The following CTNNA3 variants were observed in gnomAD, a reference collection of about 807,000 sequenced individuals.
CTNNA3 encodes catenin alpha-3.
In CTNNA3, 76 loss-of-function variants were observed where a neutral mutation model predicts 95.7. The ratio of observed to expected loss-of-function variants is 0.79; its 90% CI spans 0.66 to 0.96. The LOEUF is 0.96. Ranked by LOEUF, CTNNA3 falls within the 40% of genes least tolerant of loss-of-function variation. The probability of loss-of-function intolerance (pLI) is 0.00; values close to 1 mark genes in which losing one functional copy is unlikely to be tolerated. For missense variants in CTNNA3, 1,191 were observed against 1,089.8 expected (o/e 1.09, Z -1.31); for synonymous variants, 431 against 374.4 (o/e 1.15, Z -1.74).
intron 13 of CTNNA3, among the ~76,000 whole-genome samples, chr10:66,198,752 C>T (rs1156993984): frequency 6.6e-6 from 1 of 152,090 alleles, no homozygotes; most frequent in Non-Finnish European, 1.5e-5. Context: ...AAATGTATAG[C>T]ATATATAATT....
At chr10:67,385,629 G>A (rs1462241656) in intron 5 of CTNNA3, among the ~76,000 whole-genome samples, 1 of 152,064 alleles carries the variant, frequency 6.6e-6, no homozygotes, top group East Asian at 1.9e-4. Flanking sequence ...TCATATATAG[G>A]AGAATTACCC....
intron 1 of CTNNA3, among the ~76,000 whole-genome samples, chr10:67,678,819 A>G (rs1299126952): frequency 6.6e-6 from 1 of 152,212 alleles, no homozygotes; most frequent in Non-Finnish European, 1.5e-5. Flanking sequence ...TGAACACATC[A>G]CTGTAGTATC....
intron 7 of CTNNA3, among the ~76,000 whole-genome samples, chr10:66,895,876 G>A (rs1362592337): frequency 4.4e-5 from 6 of 134,938 alleles, no homozygotes; most frequent in South Asian, 2.3e-4. Context: ...TCAGAAGTTC[G>A]AGACCAGCCT....
At chr10:66,934,696 T>C (rs1273583513) in intron 7 of CTNNA3, among the ~76,000 whole-genome samples, 1 of 152,120 alleles carries the variant, frequency 6.6e-6, no homozygotes, top group Non-Finnish European at 1.5e-5. Flanking sequence ...CAACTATATT[T>C]CACCAATCAG....
At chr10:66,446,829 A>C (rs2131810398) in intron 11 of CTNNA3, among the ~76,000 whole-genome samples, 1 of 152,202 alleles carries the variant, frequency 6.6e-6, no homozygotes, top group Non-Finnish European at 1.5e-5. Context: ...GGCCAGGGCA[A>C]TCAGGCAGCA....
At chr10:67,361,801 G>T (rs1386247612) in intron 5 of CTNNA3, among the ~76,000 whole-genome samples, 4 of 151,854 alleles carry the variant, frequency 2.6e-5, no homozygotes, top group Non-Finnish European at 5.9e-5. Context: ...ATTGAAAAGT[G>T]AAAATCCACA....
chr10:67,357,534 A>G (rs1463044818), intron 5 of CTNNA3, among the ~76,000 whole-genome samples: 1 of 152,114 alleles, frequency 6.6e-6, no homozygotes, highest in Non-Finnish European at 1.5e-5. Flanking sequence ...AACTGAAAAC[A>G]CAAAAGAAGA....
intron 12 of CTNNA3, among the ~76,000 whole-genome samples, chr10:66,328,911 CATATATATATAT>C (rs1554935009): frequency 2.3e-5 from 2 of 86,472 alleles, no homozygotes; most frequent in South Asian, 4.2e-4. Context: ...CACATATATA[CATATATATATAT>C]ATATATATAT....
chr10:66,927,657 C>T lies in CTNNA3; in HGVS notation c.1048-152133G>A. The stretch of plus-strand genomic sequence containing the variant: ...ATAAAATCAGTGTCATAGGACAGAC[C>T]ATGTCCTGGACCTGGAGCTCCTTAC... On this transcript the variant is annotated intron_variant, in intron 7 of 17. Coordinates refer to ENST00000433211, the MANE Select transcript of CTNNA3 (RefSeq NM_013266.4). The surrounding 1 kb of genome is among the most constrained non-coding windows in gnomAD (Gnocchi z 4.7). The T allele has an allele frequency of 1.2e-6, 2 of 1,614,140 alleles. No homozygotes were observed. Among genetic ancestry groups the T allele is most frequent in the Non-Finnish European group, 8.5e-7 (1 of 1,180,018 alleles).
intron 12 of CTNNA3, among the ~76,000 whole-genome samples, chr10:66,357,622 C>T (rs560639179): frequency 1.6e-4 from 25 of 152,118 alleles, no homozygotes; most frequent in African/African-American, 6.0e-4. Context: ...GTTTGACTGG[C>T]TTCTTTCACT....
chr10:66,053,052 G>A (rs10996862), intron 15 of CTNNA3, among the ~76,000 whole-genome samples: 28,243 of 151,784 alleles, frequency 0.19, 2,800 homozygotes, highest in Admixed American at 0.25. Context: ...AACAGACAGC[G>A]AGAATAAGGC....
chr10:65,916,543 A>G lies in CTNNA3; in HGVS notation c.*3787T>C, dbSNP rs1312094645. The G allele has an allele frequency of 6.6e-6, 1 of 152,212 alleles. No homozygotes were observed. The highest frequency in any genetic ancestry group is 1.5e-5 in the Non-Finnish European group (1 of 68,032). The allele number at this position is 152,212 out of a possible 1,614,324, so 9.4% of individuals were successfully genotyped here. A position where few individuals can be genotyped will look rare whatever the true frequency, so the allele number is the denominator to read the frequency against. On this transcript the variant is annotated 3_prime_UTR_variant, in exon 18 of 18. Coordinates refer to ENST00000433211, the MANE Select transcript of CTNNA3 (RefSeq NM_013266.4). The stretch of plus-strand genomic sequence containing the variant: ...CCATGGGAACCACAATCTCTAGGAC[A>G]GAAATGAACATTTGATACCAAAATT...
intron 7 of CTNNA3, among the ~76,000 whole-genome samples, chr10:66,909,241 G>A (rs1414941696): frequency 2.6e-5 from 4 of 152,114 alleles, no homozygotes; most frequent in Non-Finnish European, 5.9e-5. Context: ...CCAGCCGGGC[G>A]CGGTGGCTCA....
chr10:66,520,737 T>C lies in CTNNA3; in HGVS notation c.1411A>G (p.Lys471Glu). The change falls in exon 11 of 18, where the codon AAA becomes GAA. Residue 471 changes from lysine to glutamate, a missense_variant. Lys to Glu is a moderately conservative substitution (Grantham distance 56). Coordinates refer to ENST00000433211, the MANE Select transcript of CTNNA3 (RefSeq NM_013266.4). ...ATGGTGTTTTTGACCGCTTGACTTTTGGGTCTTGCAGCCAAAGCAAGTGCA... is the reference window on the plus strand; with the variant it reads ...ATGGTGTTTTTGACCGCTTGACTTTCGGGTCTTGCAGCCAAAGCAAGTGCA... ...NAALALAARPKSQAVKNTMEM... is the reference protein window; with the variant it reads ...NAALALAARPESQAVKNTMEM... 2 of 1,613,146 alleles carry C rather than the reference T, an allele frequency of 1.2e-6. No individual in the cohort carries two copies. The highest frequency in any genetic ancestry group is 1.7e-6 in the Non-Finnish European group (2 of 1,179,516).
intron 5 of CTNNA3, among the ~76,000 whole-genome samples, chr10:67,488,560 G>A (rs933525976): frequency 2.0e-5 from 3 of 151,826 alleles, no homozygotes; most frequent in African/African-American, 7.3e-5. Context: ...TAGTAGAGAT[G>A]GGGTTTCATC....
At chr10:67,580,847 T>C (rs1268309473) in intron 3 of CTNNA3, among the ~76,000 whole-genome samples, 1 of 152,120 alleles carries the variant, frequency 6.6e-6, no homozygotes, top group African/African-American at 2.4e-5. Context: ...ACTCATGATT[T>C]GGCTCTCTGT....
intron 9 of CTNNA3, among the ~76,000 whole-genome samples, chr10:66,719,952 G>A (rs922959576): frequency 6.6e-6 from 1 of 152,140 alleles, no homozygotes; most frequent in Non-Finnish European, 1.5e-5. Flanking sequence ...GGGGGACAAA[G>A]TAGCAAGTGA....
chr10:66,383,865 G>A (rs920713748), intron 11 of CTNNA3, among the ~76,000 whole-genome samples: 1 of 152,100 alleles, frequency 6.6e-6, no homozygotes, highest in African/African-American at 2.4e-5. Flanking sequence ...AAGTGAAGGA[G>A]AAATAAAACC....
intron 5 of CTNNA3, among the ~76,000 whole-genome samples, chr10:67,326,034 C>A (rs2620923): frequency 6.6e-6 from 1 of 152,060 alleles, no homozygotes; most frequent in Non-Finnish European, 1.5e-5. Context: ...TTTTGTCAGA[C>A]ACTAGGATTG....
Sources: gnomAD v4.1 joint callset for allele counts (sites outside exome capture counted in the v4.1 genomes callset) on GRCh38, gnomAD v4.1.1 for gene constraint, Gnocchi (gnomAD v3.1) non-coding constraint, MANE v1.5 for transcripts, NCBI Gene and HGNC (gene_info 2026-07-23, HGNC 2026-07-21) for gene names.